Variants in SEZ6L observed in about 807,000 individuals in gnomAD.
The protein encoded by SEZ6L is seizure related 6 homolog like, also known as seizure 6-like protein.
Under a neutral mutation model 106.2 loss-of-function variants are expected in SEZ6L, and 37 were observed. That is an observed-to-expected ratio of 0.35 (90% CI 0.27 to 0.46). The LOEUF (loss-of-function observed/expected upper bound fraction) is 0.46. SEZ6L is among the 20% of genes least tolerant of loss of function. The probability of loss-of-function intolerance (pLI) is 1.00; values close to 1 mark genes in which losing one functional copy is unlikely to be tolerated. For synonymous variants in SEZ6L, 541 were observed against 570.4 expected, an observed-to-expected ratio of 0.95 and a Z score of 0.73; for missense variants, 1,172 against 1,332.8, an observed-to-expected ratio of 0.88 and a Z score of 1.88.
intron 9 of SEZ6L, among the ~76,000 whole-genome samples, chr22:26,326,467 T>C (rs535561504): frequency 1.3e-5 from 2 of 152,352 alleles, no homozygotes; most frequent in South Asian, 4.1e-4. Context: ...AATACTCACG[T>C]GCCCTTACCT....
chr22:26,253,942 AAATAGACAG>A (rs1256969947), intron 1 of SEZ6L: 1 of 152,244 alleles, frequency 6.6e-6, no homozygotes, highest in Non-Finnish European at 1.5e-5. Context: ...GACAAAACAC[AAATAGACAG>A]AATACTTAAT....
At chr22:26,216,714 T>C (rs1373358991) in intron 1 of SEZ6L, among the ~76,000 whole-genome samples, 1 of 152,084 alleles carries the variant, frequency 6.6e-6, no homozygotes, top group African/African-American at 2.4e-5. Flanking sequence ...CAGGTAAAAG[T>C]AGTGTCCTTA....
rs75925089 is a variant in SEZ6L at position 26,243,393 on chromosome 22, G to A, written c.95-49013G>A. The stretch of plus-strand genomic sequence containing the variant: ...CAGGAAAAGCCTCTGTGAGAAGACA[G>A]CATTGAGCAGAGAGAGCTGAGTGAA... On this transcript the variant is annotated intron_variant, in intron 1 of 16. Coordinates refer to ENST00000248933, the MANE Select transcript of SEZ6L (RefSeq NM_021115.5). Among the ~76,000 whole-genome samples, 1,243 of 152,324 alleles carry A rather than the reference G, an allele frequency of 8.2e-3. 21 individuals are homozygous for A. The highest frequency in any genetic ancestry group is 0.028 in the African/African-American group (1,144 of 41,578).
At chr22:26,356,648 T>G (rs1329051148) in intron 12 of SEZ6L, among the ~76,000 whole-genome samples, 3 of 2,198 alleles carry the variant, frequency 1.4e-3, no homozygotes, top group African/African-American at 1.9e-3. Flanking sequence ...TCTCAAATAA[T>G]AATAATAATA....
chr22:26,320,781 A>G (rs1183815020), intron 9 of SEZ6L, among the ~76,000 whole-genome samples: 1 of 152,160 alleles, frequency 6.6e-6, no homozygotes, highest in African/African-American at 2.4e-5. Context: ...ACCAGGGTCT[A>G]TCTTGCCCCA....
intron 1 of SEZ6L, among the ~76,000 whole-genome samples, chr22:26,261,562 C>T (rs1437278331): frequency 6.6e-6 from 1 of 152,132 alleles, no homozygotes; most frequent in Non-Finnish European, 1.5e-5. Flanking sequence ...TGCATGGATT[C>T]AGGAAACAGA....
At chr22:26,202,307 G>A (rs1602018308) in intron 1 of SEZ6L, among the ~76,000 whole-genome samples, 1 of 152,168 alleles carries the variant, frequency 6.6e-6, no homozygotes, top group East Asian at 1.9e-4. Context: ...TGTAAAAGCA[G>A]AATCTATTGC....
rs962665336 is a variant in SEZ6L, at chr22:26,329,303, A to G, written c.2016-11133A>G. Among the ~76,000 whole-genome samples the G allele has an allele frequency of 2.6e-5, 4 of 152,086 alleles. No homozygotes were observed. The South Asian group carries it at 8.3e-4, about 32-fold the overall frequency. ...GTCAACATGGTGAAACCCGGTCTCT[A>G]CTAAAACTGCAAAAATTAGCTGGGC... is the stretch of plus-strand genomic sequence containing the variant. On this transcript the variant is annotated intron_variant, in intron 9 of 16. Transcript: ENST00000248933.
At chr22:26,368,738 A>G (rs1017033592) in intron 13 of SEZ6L, among the ~76,000 whole-genome samples, 4 of 105,112 alleles carry the variant, frequency 3.8e-5, no homozygotes, top group Admixed American at 1.1e-4. Flanking sequence ...TGTGAATTTT[A>G]TCTACCTAAA....
At chr22:26,305,364 A>C (rs999330539) in intron 5 of SEZ6L, among the ~76,000 whole-genome samples, 2 of 151,696 alleles carry the variant, frequency 1.3e-5, no homozygotes, top group African/African-American at 2.4e-5. Flanking sequence ...CACGTTTTCT[A>C]GGCTTTTCAC....
chr22:26,189,929 C>T (rs1276444138), intron 1 of SEZ6L, among the ~76,000 whole-genome samples: 1 of 152,002 alleles, frequency 6.6e-6, no homozygotes, highest in Non-Finnish European at 1.5e-5. Context: ...AACCCCATCT[C>T]TACTAAAAAT....
intron 3 of SEZ6L, among the ~76,000 whole-genome samples, chr22:26,296,475 A>C (rs2081303263): frequency 6.6e-6 from 1 of 152,256 alleles, no homozygotes; most frequent in African/African-American, 2.4e-5. Flanking sequence ...CAGAGTATAC[A>C]TTCTGGTAGA....
At chr22:26,372,058 T>C (rs1390394104) in intron 13 of SEZ6L, among the ~76,000 whole-genome samples, 1 of 152,192 alleles carries the variant, frequency 6.6e-6, no homozygotes, top group African/African-American at 2.4e-5. Context: ...TGTGTGACCT[T>C]GAGTGAGCCC....
chr22:26,275,084 G>A (rs1260905747), intron 1 of SEZ6L, among the ~76,000 whole-genome samples: 1 of 152,208 alleles, frequency 6.6e-6, no homozygotes, highest in Non-Finnish European at 1.5e-5. Flanking sequence ...AAGCTCAAGG[G>A]CCAAACCTTT....
At chr22:26,221,740 G>GCGCACACACA (rs34300917) in intron 1 of SEZ6L, among the ~76,000 whole-genome samples, 3 of 149,300 alleles carry the variant, frequency 2.0e-5, no homozygotes, top group Non-Finnish European at 3.0e-5. Flanking sequence ...GCACACGCGT[G>GCGCACACACA]CACACACACA....
At chr22:26,282,981 C>T (rs375001039) in intron 1 of SEZ6L, among the ~76,000 whole-genome samples, 11 of 152,110 alleles carry the variant, frequency 7.2e-5, no homozygotes, top group Admixed American at 2.6e-4. Flanking sequence ...AGTACAGTGG[C>T]GCGATTTTGG....
intron 10 of SEZ6L, 59 bp downstream of exon 10, chr22:26,340,691 G>C: frequency 7.0e-7 from 1 of 1,433,420 alleles, no homozygotes; most frequent in Non-Finnish European, 9.5e-7. Context: ...GGTTAAGGTG[G>C]TTTCCTCTAG....
chr22:26,306,618 C>G (rs1238159617), intron 6 of SEZ6L, among the ~76,000 whole-genome samples: 1 of 152,150 alleles, frequency 6.6e-6, no homozygotes, highest in Non-Finnish European at 1.5e-5. Flanking sequence ...AATATCTAAG[C>G]AAGAGTGTGT....
chr22:26,350,958 GT>G, intron 11 of SEZ6L, 93 bp from the exon 12 acceptor site: 1 of 1,378,202 alleles, frequency 7.3e-7, no homozygotes, highest in Non-Finnish European at 9.9e-7. Flanking sequence ...ACCCGGCCAA[GT>G]TAGGAAACTT....
Sources: allele counts gnomAD v4.1 joint callset (sites outside exome capture counted in the v4.1 genomes callset), GRCh38; gene constraint gnomAD v4.1.1; transcripts MANE v1.5; gene names NCBI Gene and HGNC (gene_info 2026-07-23, HGNC 2026-07-21).